WWOX: variants seen among roughly 807,000 people sequenced by gnomAD.
WWOX encodes the protein WW domain-containing oxidoreductase.
Under a neutral mutation model 46.2 loss-of-function variants are expected in WWOX, and 69 were observed. The observed-to-expected ratio is 1.49, with a 90% confidence interval of 1.23 to 1.82. The LOEUF (loss-of-function observed/expected upper bound fraction) is 1.82, where lower values mean the gene tolerates loss of function less well. Among genes scored for constraint, WWOX ranks in the 40% most tolerant of loss-of-function variants. The pLI is 0.00. For missense variants in WWOX, 919 were observed against 542.6 expected (o/e 1.69, Z -6.89); for synonymous variants, 359 against 202.6 (o/e 1.77, Z -6.56).
chr16:78,315,370 T>C (rs1208268456), intron 5 of WWOX, among the ~76,000 whole-genome samples: 1 of 152,102 alleles, frequency 6.6e-6, no homozygotes, highest in Non-Finnish European at 1.5e-5. Context: ...ATGATTATGC[T>C]GAGTGAGGTG....
intron 6 of WWOX, among the ~76,000 whole-genome samples, chr16:78,405,772 C>T (rs2082514245): frequency 6.6e-6 from 1 of 152,108 alleles, no homozygotes; most frequent in African/African-American, 2.4e-5. Flanking sequence ...TTGTGGCTGT[C>T]AAACAAGGTG....
intron 8 of WWOX, among the ~76,000 whole-genome samples, chr16:78,607,313 G>T (rs1388131423): frequency 6.6e-6 from 1 of 152,120 alleles, no homozygotes; most frequent in Non-Finnish European, 1.5e-5. Flanking sequence ...CGGGGCTCCT[G>T]TGAGTACGTA....
At chr16:78,325,156 A>C (rs946677512) in intron 5 of WWOX, among the ~76,000 whole-genome samples, 2 of 152,228 alleles carry the variant, frequency 1.3e-5, no homozygotes, top group African/African-American at 4.8e-5. Context: ...GGCACTGCTC[A>C]GAGGAACTGG....
At chr16:78,483,047 G>A (rs1209000292) in intron 8 of WWOX, among the ~76,000 whole-genome samples, 1 of 152,158 alleles carries the variant, frequency 6.6e-6, no homozygotes, top group Non-Finnish European at 1.5e-5. Flanking sequence ...CCCTAGACAT[G>A]AAGGGCCTCT....
At chr16:78,812,980 C>A (rs1046736887) in intron 8 of WWOX, among the ~76,000 whole-genome samples, 1 of 151,866 alleles carries the variant, frequency 6.6e-6, no homozygotes, top group African/African-American at 2.4e-5. Context: ...TGTTATGAAT[C>A]TTTGGGGAAA....
intron 8 of WWOX, among the ~76,000 whole-genome samples, chr16:78,710,470 T>G (rs1459401904): frequency 3.0e-5 from 1 of 33,802 alleles, no homozygotes; most frequent in African/African-American, 1.4e-4. Context: ...AGCTAATGGA[T>G]CTCATATATA....
chr16:78,303,581 G>A (rs889461126), intron 5 of WWOX, among the ~76,000 whole-genome samples: 2 of 152,056 alleles, frequency 1.3e-5, no homozygotes, highest in Non-Finnish European at 2.9e-5. Context: ...TTTCGCTCTC[G>A]TTGCCCAGTC....
At chr16:78,481,202 C>G (rs1238708919) in intron 8 of WWOX, among the ~76,000 whole-genome samples, 1 of 152,160 alleles carries the variant, frequency 6.6e-6, no homozygotes, top group Non-Finnish European at 1.5e-5. Flanking sequence ...AAGTAGACAT[C>G]TTTTGAGGCG....
At chr16:79,194,416 C>A (rs866900112) in intron 8 of WWOX, among the ~76,000 whole-genome samples, 1 of 152,146 alleles carries the variant, frequency 6.6e-6, no homozygotes, top group African/African-American at 2.4e-5. Context: ...ACAGCACACA[C>A]CCAACTATGA....
chr16:79,187,913 C>CTGAG (rs2051051320), intron 8 of WWOX, among the ~76,000 whole-genome samples: 1 of 152,212 alleles, frequency 6.6e-6, no homozygotes, highest in African/African-American at 2.4e-5. Context: ...GTGAGTCCTT[C>CTGAG]CTGTGCACCA....
At chr16:79,202,306 T>C (rs990373991) in intron 8 of WWOX, among the ~76,000 whole-genome samples, 1 of 152,178 alleles carries the variant, frequency 6.6e-6, no homozygotes, top group African/African-American at 2.4e-5. Flanking sequence ...TTGACCTGAC[T>C]CAGTCTCCGT....
At chr16:78,956,821 C>T (rs1417860274) in intron 8 of WWOX, among the ~76,000 whole-genome samples, 1 of 152,178 alleles carries the variant, frequency 6.6e-6, no homozygotes, top group African/African-American at 2.4e-5. Flanking sequence ...GTCACGAAGG[C>T]ATGCTGTGCC....
At chr16:78,894,465 T>C (rs1322045280) in intron 8 of WWOX, among the ~76,000 whole-genome samples, 1 of 152,234 alleles carries the variant, frequency 6.6e-6, no homozygotes, top group Admixed American at 6.5e-5. Context: ...TTATTGTTTG[T>C]AGTCAGCCTC....
intron 8 of WWOX, among the ~76,000 whole-genome samples, chr16:78,470,072 A>G (rs1024394871): frequency 5.3e-5 from 8 of 152,186 alleles, no homozygotes; most frequent in Admixed American, 6.5e-5. Flanking sequence ...GACTCTTGCC[A>G]ATTAGCAGGC....
chr16:78,536,046 T>G (rs1271038931), intron 8 of WWOX, among the ~76,000 whole-genome samples: 1 of 152,174 alleles, frequency 6.6e-6, no homozygotes, highest in African/African-American at 2.4e-5. Context: ...ATGGAGTTGT[T>G]CAGAAGTTTA....
chr16:79,144,043 A>G (rs1434939613), intron 8 of WWOX, among the ~76,000 whole-genome samples: 1 of 152,180 alleles, frequency 6.6e-6, no homozygotes, highest in Non-Finnish European at 1.5e-5. Flanking sequence ...GACTACAGGC[A>G]CAGGCCTCCA....
chr16:78,150,624 C>T (rs764216479), intron 4 of WWOX, among the ~76,000 whole-genome samples: 2 of 152,124 alleles, frequency 1.3e-5, no homozygotes, highest in African/African-American at 4.8e-5. Flanking sequence ...CTCAAGCAAT[C>T]CTCCTGCCTC....
intron 8 of WWOX, among the ~76,000 whole-genome samples, chr16:79,115,291 A>G (rs755805282): frequency 4.6e-5 from 7 of 152,200 alleles, no homozygotes; most frequent in Non-Finnish European, 1.5e-5. Flanking sequence ...CTCATATGTG[A>G]AAAAGAAACT....
chr16:78,414,181 C>T (rs1423533788), intron 6 of WWOX, among the ~76,000 whole-genome samples: 1 of 151,850 alleles, frequency 6.6e-6, no homozygotes, highest in Non-Finnish European at 1.5e-5. Flanking sequence ...TGTAATTTTC[C>T]ACTACCCACC....
Sources: gnomAD v4.1 joint callset for allele counts (sites outside exome capture counted in the v4.1 genomes callset) on GRCh38, gnomAD v4.1.1 for gene constraint, MANE v1.5 for transcripts, NCBI Gene and HGNC (gene_info 2026-07-23, HGNC 2026-07-21) for gene names.